The following SMC3 variants were observed in gnomAD, a reference collection of about 807,000 sequenced individuals.
SMC3 encodes structural maintenance of chromosomes protein 3.
Under a neutral mutation model 171.8 loss-of-function variants are expected in SMC3, and 20 were observed. That is an observed-to-expected ratio of 0.12 (90% CI 0.08 to 0.17). The LOEUF (loss-of-function observed/expected upper bound fraction) is 0.17, where lower values mean the gene tolerates loss of function less well. Ranked by LOEUF, SMC3 falls within the 10% of genes least tolerant of loss-of-function variation. The probability of loss-of-function intolerance (pLI) is 1.00; values close to 1 mark genes in which losing one functional copy is unlikely to be tolerated. For synonymous variants in SMC3, 464 were observed against 451.1 expected (o/e 1.03, Z -0.36); for missense variants, 543 against 1,420.4 (o/e 0.38, Z 9.93).
chr10:110,589,734 A>G (rs778257982), intron 14 of SMC3, 26 bp downstream of exon 14: 2 of 1,479,438 alleles, frequency 1.4e-6, no homozygotes, highest in Non-Finnish European at 1.9e-6. Context: ...AATGTGCATT[A>G]ATGTTTTCAG....
chr10:110,602,718 A>G (rs1490519221), intron 26 of SMC3, 53 bp downstream of exon 26: 3 of 1,582,572 alleles, frequency 1.9e-6, no homozygotes, highest in Non-Finnish European at 2.6e-6. Context: ...AATAGAATTT[A>G]TAGTATCTTT....
chr10:110,595,917 C>CTTTTTTTTT (rs10639343), intron 18 of SMC3, among the ~76,000 whole-genome samples: 2 of 101,602 alleles, frequency 2.0e-5, no homozygotes, highest in East Asian at 5.3e-4. Flanking sequence ...ACTGGAGGTT[C>CTTTTTTTTT]TTTTTTTTTT....
Position 110,581,900 on chromosome 10 carries a change from CCTCT to C in SMC3, c.548-19_548-16del. 2 of 1,597,068 alleles carry C rather than the reference CCTCT, an allele frequency of 1.3e-6. No individual in the cohort carries two copies. Among genetic ancestry groups the C allele is most frequent in the Non-Finnish European group, 8.6e-7 (1 of 1,165,304 alleles). On this transcript the variant is annotated intron_variant, in intron 8 of 28. Transcript: ENST00000361804. ...ATAAAAATCTTATTCAATTCTTCCACCTCTCTCCCCATTTCTTTTAAGAGGGCAA... is the reference window on the plus strand; with the variant it reads ...ATAAAAATCTTATTCAATTCTTCCACCTCCCCATTTCTTTTAAGAGGGCAA...
chr10:110,572,285 C>G (rs191808892), intron 2 of SMC3, among the ~76,000 whole-genome samples: 4 of 152,278 alleles, frequency 2.6e-5, no homozygotes, highest in Non-Finnish European at 4.4e-5. Flanking sequence ...GTACAATTTA[C>G]AACTTAAGTA....
intron 22 of SMC3, 150 bp downstream of exon 22, chr10:110,600,696 C>T (rs989922395): frequency 4.5e-6 from 3 of 665,356 alleles, no homozygotes; most frequent in Non-Finnish European, 8.1e-6. Context: ...ATTCTGCCAC[C>T]TAGTGTGTGA....
chr10:110,581,118 A>G (rs1861022870), intron 8 of SMC3, 97 bp downstream of exon 8: 5 of 771,300 alleles, frequency 6.5e-6, no homozygotes, highest in Admixed American at 5.2e-5. Flanking sequence ...TGTTTAGTAT[A>G]TGACAGCATT....
At chr10:110,598,945 A>C (rs184445061) in intron 20 of SMC3, among the ~76,000 whole-genome samples, 16 of 152,276 alleles carry the variant, frequency 1.1e-4, no homozygotes, top group Admixed American at 2.0e-4. Flanking sequence ...TTAAAATTAG[A>C]AAGCAAACTT....
chr10:110,570,172 T>C (rs1860848572), intron 2 of SMC3, among the ~76,000 whole-genome samples: 3 of 152,228 alleles, frequency 2.0e-5, no homozygotes, highest in African/African-American at 7.2e-5. Context: ...CCCATCCTCA[T>C]GTCCTCATTT....
At chr10:110,567,923 C>T (rs1022012890) in intron 1 of SMC3, 92 bp downstream of exon 1, 3 of 1,453,834 alleles carry the variant, frequency 2.1e-6, no homozygotes, top group Admixed American at 3.5e-5. Flanking sequence ...AGCCTCTCCC[C>T]TGTCTCCACA....
chr10:110,592,911 C>G (rs1181864591), intron 17 of SMC3, among the ~76,000 whole-genome samples, 162 bp from the exon 18 acceptor site: 1 of 152,180 alleles, frequency 6.6e-6, no homozygotes, highest in Non-Finnish European at 1.5e-5. Context: ...CCAGGATATT[C>G]TAGTGGAATG....
At chr10:110,589,321 G>A (rs1861172891) in intron 13 of SMC3, among the ~76,000 whole-genome samples, 2 of 152,092 alleles carry the variant, frequency 1.3e-5, no homozygotes, top group Non-Finnish European at 2.9e-5. Context: ...CATATTTAGT[G>A]TACATCATTT....
intron 4 of SMC3, among the ~76,000 whole-genome samples, chr10:110,575,661 T>C (rs924940207): frequency 1.3e-5 from 2 of 152,192 alleles, no homozygotes; most frequent in African/African-American, 4.8e-5. Flanking sequence ...ATAAATGTCT[T>C]AAAGGAGACA....
intron 18 of SMC3, among the ~76,000 whole-genome samples, chr10:110,594,320 T>A (rs1861260283): frequency 6.6e-6 from 1 of 151,792 alleles, no homozygotes; most frequent in African/African-American, 2.4e-5. Context: ...GTTATTATTT[T>A]AAAAAATATT....
chr10:110,595,308 C>G (rs1402321096), intron 18 of SMC3, among the ~76,000 whole-genome samples: 1 of 152,128 alleles, frequency 6.6e-6, no homozygotes, highest in African/African-American at 2.4e-5. Context: ...ACAGTTCCTC[C>G]TGCTCCCTTC....
chr10:110,567,736 G>A lies in SMC3; in HGVS notation c.-81G>A. ...CGAGCGGCGCTTTGGGGGAGGGGTC[G>A]CGTAGGCGCCTCACCTGACCCTGCG... On this transcript the variant is annotated 5_prime_UTR_variant, in exon 1 of 29. Coordinates refer to ENST00000361804, the MANE Select transcript of SMC3 (RefSeq NM_005445.4). The A allele has an allele frequency of 1.3e-6, 2 of 1,549,876 alleles. No individual in the cohort carries two copies. Among genetic ancestry groups the A allele is most frequent in the Non-Finnish European group, 1.8e-6 (2 of 1,125,380 alleles).
intron 13 of SMC3, 72 bp downstream of exon 13, chr10:110,584,468 A>T: frequency 9.1e-7 from 1 of 1,093,690 alleles, no homozygotes; most frequent in African/African-American, 1.6e-5. Context: ...ATCTACTTCA[A>T]GTTTTCTTTT....
chr10:110,603,542 G>T (rs1861419266), intron 28 of SMC3, among the ~76,000 whole-genome samples: 1 of 152,110 alleles, frequency 6.6e-6, no homozygotes. Context: ...CTTCTGTAAT[G>T]CACAGTCTTT....
intron 18 of SMC3, 24 bp from the exon 19 acceptor site, chr10:110,596,374 C>G (rs752082701): frequency 3.7e-6 from 6 of 1,607,596 alleles, no homozygotes; most frequent in East Asian, 2.2e-5. Flanking sequence ...TTGTACAGAC[C>G]TATTACATAT....
Position 110,583,434 on chromosome 10 carries a change from A to G in SMC3, c.855A>G (p.Lys285=), listed in dbSNP as rs1861062126. 3 of 1,614,122 alleles carry G rather than the reference A, an allele frequency of 1.9e-6. No homozygotes were observed. The highest frequency in any genetic ancestry group is 2.5e-6 in the Non-Finnish European group (3 of 1,179,978). ...TGAAAACAAAAATTTCAGCTATGAA[A>G]GAAGAAAAAGAACAGCTTAGTGCTG... ...RELKTKISAM[K]EEKEQLSAER... is the part of the protein sequence containing the mutation. Residue 285 remains lysine (K), a synonymous_variant, in exon 11 of 29, where the codon AAA becomes AAG. Transcript: ENST00000361804.
Sources: gnomAD v4.1 joint callset for allele counts (sites outside exome capture counted in the v4.1 genomes callset) on GRCh38, gnomAD v4.1.1 for gene constraint, MANE v1.5 for transcripts, NCBI Gene and HGNC (gene_info 2026-07-23, HGNC 2026-07-21) for gene names.